Variants in GALNTL6 observed in about 807,000 individuals in gnomAD.
GALNTL6 encodes polypeptide N-acetylgalactosaminyltransferase-like 6.
GALNTL6 carries 46 observed loss-of-function variants against 73.7 expected under a neutral mutation model. The ratio of observed to expected loss-of-function variants is 0.62; its 90% CI spans 0.49 to 0.80. The LOEUF is 0.80. Ranked by LOEUF, GALNTL6 falls within the 30% of genes least tolerant of loss-of-function variation. The probability of loss-of-function intolerance (pLI) is 0.00; values close to 1 mark genes in which losing one functional copy is unlikely to be tolerated. For missense variants in GALNTL6, 604 were observed against 755.0 expected, an observed-to-expected ratio of 0.80 and a Z score of 2.34; for synonymous variants, 259 against 263.7, an observed-to-expected ratio of 0.98 and a Z score of 0.17.
intron 5 of GALNTL6, among the ~76,000 whole-genome samples, chr4:172,528,553 G>A (rs1243708566): frequency 6.6e-6 from 1 of 151,036 alleles, no homozygotes; most frequent in African/African-American, 2.4e-5. Context: ...CACCATGTTA[G>A]CCAGGATGGT....
chr4:172,287,605 G>A (rs1739308907), intron 3 of GALNTL6, among the ~76,000 whole-genome samples: 1 of 152,156 alleles, frequency 6.6e-6, no homozygotes, highest in Admixed American at 6.5e-5. Flanking sequence ...AGACCAGGGA[G>A]GGCTGAGGCA....
chr4:172,977,259 A>G (rs1262337886), intron 10 of GALNTL6, among the ~76,000 whole-genome samples: 1 of 152,252 alleles, frequency 6.6e-6, no homozygotes, highest in Non-Finnish European at 1.5e-5. Context: ...CTTCAGCTCC[A>G]TCCTATGGAC....
Position 172,467,419 on chromosome 4 carries a change from T to A in GALNTL6, c.553+118730T>A, listed in dbSNP as rs539814947. On this transcript the variant is annotated intron_variant, in intron 5 of 12. Coordinates refer to ENST00000506823, the MANE Select transcript of GALNTL6 (RefSeq NM_001034845.3). ...GGGCTACCCTATGCAACTGCGAGTC[T>A]CCTGAGAGATTATTTCTGCAGCTTG... Among the ~76,000 whole-genome samples the A allele has an allele frequency of 2.0e-5, 3 of 152,344 alleles. No individual in the cohort carries two copies. In the East Asian group the frequency reaches 5.8e-4, roughly 29 times the overall value.
intron 7 of GALNTL6, among the ~76,000 whole-genome samples, chr4:172,822,462 G>A (rs193185949): frequency 1.6e-3 from 239 of 152,292 alleles, no homozygotes; most frequent in Non-Finnish European, 2.2e-3. Flanking sequence ...TGGTCTCTCT[G>A]GAACTCCAGA....
At chr4:172,150,745 C>T (rs1164171356) in intron 2 of GALNTL6, among the ~76,000 whole-genome samples, 1 of 151,848 alleles carries the variant, frequency 6.6e-6, no homozygotes, top group African/African-American at 2.4e-5. Context: ...AGGTATACGA[C>T]ATAATAAAAG....
intron 9 of GALNTL6, among the ~76,000 whole-genome samples, chr4:172,932,340 G>A (rs1310947361): frequency 6.6e-6 from 1 of 152,236 alleles, no homozygotes; most frequent in Admixed American, 6.5e-5. Flanking sequence ...GAAAATGCTG[G>A]AGATTTAAGT....
intron 8 of GALNTL6, among the ~76,000 whole-genome samples, chr4:172,894,362 C>A (rs1397890988): frequency 6.6e-6 from 1 of 152,092 alleles, no homozygotes; most frequent in Non-Finnish European, 1.5e-5. Context: ...CTTAGTACTG[C>A]TTTTGCTGTA....
intron 5 of GALNTL6, among the ~76,000 whole-genome samples, chr4:172,722,929 T>C (rs1735570459): frequency 6.6e-6 from 1 of 152,190 alleles, no homozygotes; most frequent in African/African-American, 2.4e-5. Context: ...CTTCCAGTTC[T>C]GTAGGTTAGA....
At chr4:172,987,652 T>C (rs577361417) in intron 10 of GALNTL6, among the ~76,000 whole-genome samples, 2 of 152,222 alleles carry the variant, frequency 1.3e-5, no homozygotes, top group East Asian at 3.9e-4. Flanking sequence ...GGAGAAGAGG[T>C]CTGGTGGGAA....
intron 4 of GALNTL6, among the ~76,000 whole-genome samples, chr4:172,313,932 G>A (rs1463211380): frequency 6.6e-6 from 1 of 152,216 alleles, no homozygotes; most frequent in African/African-American, 2.4e-5. Context: ...AATGCTGGAA[G>A]AGAAGCCTGA....
At chr4:172,052,430 C>T (rs1490747120) in intron 2 of GALNTL6, 5 of 1,531,904 alleles carry the variant, frequency 3.3e-6, no homozygotes, top group Middle Eastern at 1.7e-4. Context: ...TTACCCCAAC[C>T]CATTCACCAG....
At chr4:172,796,792 G>A (rs1027969909) in intron 5 of GALNTL6, among the ~76,000 whole-genome samples, 1 of 147,160 alleles carries the variant, frequency 6.8e-6, no homozygotes, top group Non-Finnish European at 1.5e-5. Flanking sequence ...AGAACGGGGA[G>A]TTTCCGTAGC....
intron 3 of GALNTL6, among the ~76,000 whole-genome samples, chr4:172,243,117 C>T (rs2110997234): frequency 6.6e-6 from 1 of 152,320 alleles, no homozygotes; most frequent in East Asian, 1.9e-4. Flanking sequence ...TGTTCAGTTT[C>T]TCCACTGGCC....
chr4:172,568,938 C>G (rs1364295538), intron 5 of GALNTL6, among the ~76,000 whole-genome samples: 1 of 151,650 alleles, frequency 6.6e-6, no homozygotes, highest in Non-Finnish European at 1.5e-5. Context: ...TCATTATCTA[C>G]TGTTAGTGTT....
chr4:172,615,473 T>C (rs1033449352), intron 5 of GALNTL6, among the ~76,000 whole-genome samples: 3 of 152,160 alleles, frequency 2.0e-5, no homozygotes, highest in Non-Finnish European at 4.4e-5. Flanking sequence ...TGTTTTTTCC[T>C]TAACCATTGC....
intron 2 of GALNTL6, among the ~76,000 whole-genome samples, chr4:172,206,557 A>T (rs1056162911): frequency 4.6e-5 from 7 of 152,166 alleles, no homozygotes; most frequent in African/African-American, 1.4e-4. Flanking sequence ...TAAAACAGTG[A>T]TGCAATAGAT....
At chr4:172,513,531 T>G (rs1734498659) in intron 5 of GALNTL6, among the ~76,000 whole-genome samples, 1 of 152,186 alleles carries the variant, frequency 6.6e-6, no homozygotes, top group African/African-American at 2.4e-5. Context: ...TCTGATTCCT[T>G]CTCATTTGAG....
rs141046249 is a variant in GALNTL6, at chr4:172,960,528, G to A, written c.1371+8270G>A. Among the ~76,000 whole-genome samples, 1,419 of 152,272 alleles carry A rather than the reference G, an allele frequency of 9.3e-3. 19 individuals are homozygous for A. Among genetic ancestry groups the A allele is most frequent in the African/African-American group, 0.033 (1,362 of 41,552 alleles). ...AGAAAAGGAAGATTAGAAAGACTCAGCGACGCTTGGGGTTGGGATTGAGGG... is the reference window on the plus strand; with the variant it reads ...AGAAAAGGAAGATTAGAAAGACTCAACGACGCTTGGGGTTGGGATTGAGGG... On this transcript the variant is annotated intron_variant, in intron 10 of 12. Coordinates refer to ENST00000506823, the MANE Select transcript of GALNTL6 (RefSeq NM_001034845.3).
chr4:172,527,308 T>G (rs750776704), intron 5 of GALNTL6, among the ~76,000 whole-genome samples: 41 of 152,174 alleles, frequency 2.7e-4, no homozygotes, highest in Non-Finnish European at 1.2e-4. Context: ...AATGGCTGAT[T>G]GTAGACACTG....
Sources: allele counts gnomAD v4.1 joint callset (sites outside exome capture counted in the v4.1 genomes callset), GRCh38; gene constraint gnomAD v4.1.1; transcripts MANE v1.5; gene names NCBI Gene and HGNC (gene_info 2026-07-23, HGNC 2026-07-21).